PIP5K1A: variants seen among roughly 807,000 people sequenced by gnomAD.
PIP5K1A encodes phosphatidylinositol 4-phosphate 5-kinase type-1 alpha.
In PIP5K1A, 46 loss-of-function variants were observed where a neutral mutation model predicts 72.9. That is an observed-to-expected ratio of 0.63 (90% CI 0.50 to 0.81). The LOEUF (loss-of-function observed/expected upper bound fraction) is 0.81. PIP5K1A is among the 30% of genes least tolerant of loss of function. PIP5K1A has a pLI of 0.00. For missense variants in PIP5K1A, 458 were observed against 706.1 expected (o/e 0.65, Z 3.98); for synonymous variants, 228 against 255.1 (o/e 0.89, Z 1.01).
Position 151,227,253 on chromosome 1 carries a change from G to A in PIP5K1A, c.157-67G>A, listed in dbSNP as rs989319278. On this transcript the variant is annotated intron_variant, in intron 3 of 15. Coordinates refer to ENST00000368888, the MANE Select transcript of PIP5K1A (RefSeq NM_001135638.2). ...TTGTTTCAGTTTATTTTGTTTTGAT[G>A]TACCATTGTGGTAGCTATTTGGTGT... The A allele has an allele frequency of 5.6e-6, 5 of 896,970 alleles. No individual in the cohort carries two copies. The African/African-American group carries it at 6.6e-5, about 12-fold the overall frequency. The allele number at this position is 896,970 out of a possible 1,614,324, so 55.6% of individuals were successfully genotyped here.
intron 1 of PIP5K1A, among the ~76,000 whole-genome samples, chr1:151,208,412 G>A (rs1558239754): frequency 6.9e-6 from 1 of 144,532 alleles, no homozygotes; most frequent in Non-Finnish European, 1.5e-5. Context: ...CTAGGCTGGA[G>A]TGCAGTGGTG....
intron 9 of PIP5K1A, 116 bp downstream of exon 9, chr1:151,236,879 G>A: frequency 1.5e-6 from 1 of 686,540 alleles, no homozygotes; most frequent in Non-Finnish European, 2.3e-6. Flanking sequence ...ATGTGCTGAT[G>A]TGCAATGGCA....
chr1:151,197,227 G>A (rs1359225061), upstream of PIP5K1A, among the ~76,000 whole-genome samples: 1 of 151,840 alleles, frequency 6.6e-6, no homozygotes. Flanking sequence ...AAGACATCTG[G>A]AAAGAGGATA....
intron 1 of PIP5K1A, among the ~76,000 whole-genome samples, chr1:151,206,914 G>A (rs183742391): frequency 6.6e-6 from 1 of 151,812 alleles, no homozygotes; most frequent in African/African-American, 2.4e-5. Flanking sequence ...CGCCAGGCTG[G>A]TCTCGAACTT....
intron 12 of PIP5K1A, among the ~76,000 whole-genome samples, chr1:151,241,164 CA>C (rs1414512656): frequency 6.7e-6 from 1 of 150,062 alleles, no homozygotes; most frequent in Non-Finnish European, 1.5e-5. Context: ...AACTTCATCT[CA>C]AAAAAAGTTA....
chr1:151,224,213 C>T, intron 1 of PIP5K1A, 32 bp from the exon 2 acceptor site: 4 of 1,598,092 alleles, frequency 2.5e-6, no homozygotes, highest in Non-Finnish European at 3.4e-6. Context: ...GTGTGTGATA[C>T]ACTCTTATGA....
intron 1 of PIP5K1A, among the ~76,000 whole-genome samples, chr1:151,210,631 C>T (rs1347472624): frequency 6.6e-6 from 1 of 152,120 alleles, no homozygotes; most frequent in East Asian, 1.9e-4. Flanking sequence ...GTTGCCCAGG[C>T]TGGAGTGTAG....
chr1:151,238,511 G>A, intron 10 of PIP5K1A: 1 of 464,944 alleles, frequency 2.2e-6, no homozygotes, highest in Non-Finnish European at 3.9e-6. Flanking sequence ...AGCTGAGTCA[G>A]TCCTTGGAAG....
chr1:151,236,114 C>A (rs587627549), intron 8 of PIP5K1A, among the ~76,000 whole-genome samples: 4 of 143,098 alleles, frequency 2.8e-5, no homozygotes, highest in African/African-American at 1.1e-4. Context: ...AGCAAGACTC[C>A]GTCTCAAAAA....
intron 12 of PIP5K1A, among the ~76,000 whole-genome samples, chr1:151,241,800 CA>C (rs201895156): frequency 0.024 from 1,433 of 60,126 alleles, 16 homozygotes; most frequent in African/African-American, 0.064. Context: ...AACTCCATCT[CA>C]AAAAAAAAAA....
At chr1:151,226,574 G>A (rs1570906987) in intron 3 of PIP5K1A, among the ~76,000 whole-genome samples, 1 of 151,808 alleles carries the variant, frequency 6.6e-6, no homozygotes. Context: ...TTAGCTGGGT[G>A]TGGTGGTGCA....
chr1:151,203,007 G>A (rs1430047870), intron 1 of PIP5K1A, among the ~76,000 whole-genome samples: 1 of 152,116 alleles, frequency 6.6e-6, no homozygotes, highest in Non-Finnish European at 1.5e-5. Context: ...GACCTCAGGT[G>A]ATCCTCTCGC....
chr1:151,244,068 C>T (rs1286584532), intron 14 of PIP5K1A, among the ~76,000 whole-genome samples: 1 of 150,234 alleles, frequency 6.7e-6, no homozygotes, highest in African/African-American at 2.5e-5. Context: ...AATCCCACCA[C>T]TTTGGGAGGC....
rs769487186 is a variant in PIP5K1A at position 151,223,961 on chromosome 1, C to G, written c.86-284C>G. 1.9e-5 allele frequency: 9 copies of G among 465,194 alleles called. No homozygotes were observed. The South Asian group carries it at 2.1e-4, about 11-fold the overall frequency. The allele number at this position is 465,194 out of a possible 1,614,324, so 28.8% of individuals were successfully genotyped here. On this transcript the variant is annotated intron_variant, in intron 1 of 15. Coordinates refer to ENST00000368888, the MANE Select transcript of PIP5K1A (RefSeq NM_001135638.2). ...CCAGCCTGGGCGATAGAGTGAGACT[C>G]CATCTCAAAAAAAAAGAAAAAGTTA... is the stretch of plus-strand genomic sequence containing the variant.
intron 4 of PIP5K1A, among the ~76,000 whole-genome samples, chr1:151,228,204 C>CCA (rs1440864740): frequency 6.6e-6 from 1 of 151,972 alleles, no homozygotes; most frequent in African/African-American, 2.4e-5. Context: ...GTGGCATGAT[C>CCA]ATTGGCCGGT....
intron 3 of PIP5K1A, among the ~76,000 whole-genome samples, chr1:151,224,759 T>C (rs1688867979): frequency 6.6e-6 from 1 of 152,208 alleles, no homozygotes; most frequent in African/African-American, 2.4e-5. Flanking sequence ...TGAAGAACTT[T>C]TAGCCATGCA....
intron 1 of PIP5K1A, chr1:151,213,617 C>G (rs919556186): frequency 2.0e-5 from 3 of 152,116 alleles, no homozygotes; most frequent in Admixed American, 6.6e-5. Context: ...GAACGTAAGA[C>G]TTATACTTAT....
At chr1:151,201,843 C>T (rs1365620703) in intron 1 of PIP5K1A, among the ~76,000 whole-genome samples, 1 of 151,908 alleles carries the variant, frequency 6.6e-6, no homozygotes, top group Non-Finnish European at 1.5e-5. Flanking sequence ...GTCTGGGTGA[C>T]AGAGCAAGAC....
At chr1:151,197,252 G>A (rs1017166027), upstream of PIP5K1A, among the ~76,000 whole-genome samples, 5 of 151,812 alleles carry the variant, frequency 3.3e-5, no homozygotes, top group African/African-American at 1.2e-4. Flanking sequence ...GGTCATTCTG[G>A]GGGTTACAAA....
Sources: allele counts gnomAD v4.1 joint callset (sites outside exome capture counted in the v4.1 genomes callset), GRCh38; gene constraint gnomAD v4.1.1; transcripts MANE v1.5; gene names NCBI Gene and HGNC (gene_info 2026-07-23, HGNC 2026-07-21).